The following SLC36A1 variants were observed in gnomAD, a reference collection of about 807,000 sequenced individuals.
SLC36A1 encodes the protein solute carrier family 36 member 1.
Under a neutral mutation model 47.5 loss-of-function variants are expected in SLC36A1, and 30 were observed. That is an observed-to-expected ratio of 0.63 (90% CI 0.47 to 0.86). The LOEUF is 0.86. SLC36A1 is among the 40% of genes least tolerant of loss of function. The probability of loss-of-function intolerance (pLI) is 0.00; values close to 1 mark genes in which losing one functional copy is unlikely to be tolerated. For synonymous variants in SLC36A1, 255 were observed against 249.7 expected, an observed-to-expected ratio of 1.02 and a Z score of -0.20; for missense variants, 517 against 606.0, an observed-to-expected ratio of 0.85 and a Z score of 1.54.
the SLC36A1 span, among the ~76,000 whole-genome samples, chr5:151,367,871 G>A: frequency 1.3e-5 from 2 of 152,180 alleles, no homozygotes; most frequent in South Asian, 4.1e-4. Context: ...GGAGCACTGA[G>A]GGGAATCTCC....
At chr5:151,370,004 C>T in the SLC36A1 span, among the ~76,000 whole-genome samples, 1 of 151,422 alleles carries the variant, frequency 6.6e-6, no homozygotes, top group African/African-American at 2.4e-5. Context: ...TTTTCCCATG[C>T]TGGCCAGGCT....
At chr5:151,526,366 G>T in the SLC36A1 span, among the ~76,000 whole-genome samples, 17 of 152,218 alleles carry the variant, frequency 1.1e-4, no homozygotes, top group Non-Finnish European at 2.2e-4. Flanking sequence ...ACTTATAAAT[G>T]ATTTCTTCCT....
chr5:151,535,541 G>A, the SLC36A1 span, among the ~76,000 whole-genome samples: 3 of 149,858 alleles, frequency 2.0e-5, no homozygotes, highest in Non-Finnish European at 4.5e-5. Flanking sequence ...CTTTCCTCAT[G>A]CCTCGCCCTA....
At chr5:151,545,410 C>G in the SLC36A1 span, 1 of 1,614,138 alleles carries the variant, frequency 6.2e-7, no homozygotes, top group Non-Finnish European at 8.5e-7. Flanking sequence ...AGTTTTGATG[C>G]TATAATTGAC....
chr5:151,462,832 C>A (rs73272005), intron 2 of SLC36A1, among the ~76,000 whole-genome samples: 10 of 151,058 alleles, frequency 6.6e-5, no homozygotes, highest in African/African-American at 2.4e-4. Context: ...AGTGTTTGTC[C>A]GTCATTGTTT....
chr5:151,375,391 G>T, the SLC36A1 span, among the ~76,000 whole-genome samples: 1 of 151,998 alleles, frequency 6.6e-6, no homozygotes, highest in African/African-American at 2.4e-5. Flanking sequence ...TCTATTTCTG[G>T]GTTCTTTATT....
chr5:151,354,233 G>A, the SLC36A1 span, among the ~76,000 whole-genome samples: 6 of 152,204 alleles, frequency 3.9e-5, no homozygotes, highest in Admixed American at 2.6e-4. Context: ...GAACCTGGGA[G>A]GTGGAGGGTG....
At chr5:151,493,026 G>GTA (rs924484779), downstream of SLC36A1, among the ~76,000 whole-genome samples, 24 of 152,032 alleles carry the variant, frequency 1.6e-4, no homozygotes, top group African/African-American at 4.8e-4. Flanking sequence ...GTGTGTGTGT[G>GTA]TATATATATA....
At chr5:151,438,457 C>T (rs1409020100) in intron 1 of SLC36A1, among the ~76,000 whole-genome samples, 4 of 151,932 alleles carry the variant, frequency 2.6e-5, no homozygotes, top group Admixed American at 1.3e-4. Context: ...GCACTCAGCA[C>T]CCCCTATAAC....
At chr5:151,346,925 C>T in the SLC36A1 span, among the ~76,000 whole-genome samples, 2 of 152,180 alleles carry the variant, frequency 1.3e-5, no homozygotes, top group Non-Finnish European at 2.9e-5. Flanking sequence ...CTCACCTTCT[C>T]CTCCAAGTAG....
At chr5:151,425,664 C>T in the SLC36A1 span, among the ~76,000 whole-genome samples, 1 of 152,038 alleles carries the variant, frequency 6.6e-6, no homozygotes, top group Non-Finnish European at 1.5e-5. Context: ...TAAAACCCAT[C>T]GTGTCCCAAG....
At chr5:151,459,030 C>T in intron 2 of SLC36A1, 95 bp downstream of exon 2, 1 of 1,382,200 alleles carries the variant, frequency 7.2e-7, no homozygotes, top group South Asian at 1.4e-5. Flanking sequence ...CAGTCCTCCA[C>T]TTTACAGATG....
the SLC36A1 span, among the ~76,000 whole-genome samples, chr5:151,346,645 G>GT: frequency 6.6e-6 from 1 of 152,186 alleles, no homozygotes; most frequent in Non-Finnish European, 1.5e-5. Context: ...AAACTAGCAA[G>GT]TCTGGTTGGG....
chr5:151,361,458 T>C, the SLC36A1 span, among the ~76,000 whole-genome samples: 2 of 152,200 alleles, frequency 1.3e-5, no homozygotes, highest in Admixed American at 6.5e-5. Context: ...TGCCCAGATA[T>C]AAGATATTTT....
chr5:151,446,693 T>C (rs1752944202), upstream of SLC36A1, among the ~76,000 whole-genome samples: 1 of 152,240 alleles, frequency 6.6e-6, no homozygotes, highest in African/African-American at 2.4e-5. Context: ...TAGCATATGG[T>C]CTATTCTAGA....
the SLC36A1 span, among the ~76,000 whole-genome samples, chr5:151,421,568 TTTTC>T: frequency 4.7e-5 from 7 of 149,932 alleles, no homozygotes; most frequent in Admixed American, 2.7e-4. Flanking sequence ...TTCTTTTTCT[TTTTC>T]TTTCTTTCTT....
the SLC36A1 span, chr5:151,543,063 T>G: frequency 6.2e-7 from 1 of 1,614,154 alleles, no homozygotes; most frequent in Non-Finnish European, 8.5e-7. Flanking sequence ...AAAATTTCGG[T>G]AAGGATACTT....
the SLC36A1 span, chr5:151,537,757 A>G: frequency 6.3e-7 from 1 of 1,587,242 alleles, no homozygotes. Context: ...TCAGTAAAGA[A>G]GTTCTTGTTT....
At chr5:151,543,655 G>T in the SLC36A1 span, 119 of 1,614,146 alleles carry the variant, frequency 7.4e-5, no homozygotes, top group South Asian at 1.2e-3. Flanking sequence ...TGCATTCTCT[G>T]CTAATTCTGC....
Sources: gnomAD v4.1 joint callset for allele counts (sites outside exome capture counted in the v4.1 genomes callset) on GRCh38, gnomAD v4.1.1 for gene constraint, MANE v1.5 for transcripts, NCBI Gene and HGNC (gene_info 2026-07-23, HGNC 2026-07-21) for gene names.